Variants in GALNTL5 observed in about 807,000 individuals in gnomAD.
GALNTL5 encodes inactive polypeptide N-acetylgalactosaminyltransferase-like protein 5.
Under a neutral mutation model 51.0 loss-of-function variants are expected in GALNTL5, and 44 were observed. The ratio of observed to expected loss-of-function variants is 0.86; its 90% CI spans 0.68 to 1.11. The LOEUF (loss-of-function observed/expected upper bound fraction) is 1.11, where lower values mean the gene tolerates loss of function less well. GALNTL5 is among the 50% of genes least tolerant of loss of function. The probability of loss-of-function intolerance (pLI) is 0.00; values close to 1 mark genes in which losing one functional copy is unlikely to be tolerated. For synonymous variants in GALNTL5, 192 were observed against 182.8 expected (o/e 1.05, Z -0.41); for missense variants, 528 against 531.8 (o/e 0.99, Z 0.07).
intron 5 of GALNTL5, among the ~76,000 whole-genome samples, chr7:151,996,167 CCT>C (rs2151953542): frequency 6.6e-6 from 1 of 151,786 alleles, no homozygotes; most frequent in African/African-American, 2.4e-5. Context: ...CTGTAAATAC[CCT>C]GACACAGATT....
At chr7:152,015,733 C>T (rs569366728) in intron 8 of GALNTL5, among the ~76,000 whole-genome samples, 3 of 152,098 alleles carry the variant, frequency 2.0e-5, no homozygotes, top group African/African-American at 4.8e-5. Context: ...GTCTTGAGAC[C>T]GTGTGAGAAC....
At chr7:151,965,922 C>T (rs2081053663) in intron 1 of GALNTL5, among the ~76,000 whole-genome samples, 1 of 152,020 alleles carries the variant, frequency 6.6e-6, no homozygotes, top group Non-Finnish European at 1.5e-5. Flanking sequence ...TCTTTATTCT[C>T]CTCCCCCCAA....
chr7:151,977,192 CTG>C (rs1474318810), intron 3 of GALNTL5, among the ~76,000 whole-genome samples: 5 of 151,982 alleles, frequency 3.3e-5, no homozygotes, highest in African/African-American at 1.2e-4. Flanking sequence ...AAAAATAGGA[CTG>C]AGAGATTTAA....
chr7:152,019,690 C>A lies in GALNTL5; in HGVS notation c.1221C>A (p.Tyr407Ter). Residue 407 changes from tyrosine (Y) to a stop codon, truncating the protein, a stop_gained, in exon 9 of 9, where the codon TAC (tyrosine) becomes TAA (stop). Transcript: ENST00000392800. LOFTEE classifies it high-confidence loss of function. ...LRKPGLKYVT[Y>*]GNIRERVELR... is the part of the protein sequence containing the mutation. Reference sequence around the variant, plus strand: ...AGCCTGGTCTGAAATATGTCACCTACGGAAATATTCGCGAGCGTGTTGAGT... The same window carrying A: ...AGCCTGGTCTGAAATATGTCACCTAAGGAAATATTCGCGAGCGTGTTGAGT... 1 of 1,613,436 alleles carries A rather than the reference C, an allele frequency of 6.2e-7. No individual in the cohort carries two copies. The highest frequency in any genetic ancestry group is 8.5e-7 in the Non-Finnish European group (1 of 1,179,554).
chr7:152,007,500 C>G lies in GALNTL5; in HGVS notation c.909-327C>G, dbSNP rs772031894. Among the ~76,000 whole-genome samples, 66 of 147,746 alleles carry G rather than the reference C, an allele frequency of 4.5e-4. 2 individuals carry two copies. In the Middle Eastern group the frequency reaches 0.011, roughly 25 times the overall value. On this transcript the variant is annotated intron_variant, in intron 6 of 8. Transcript: ENST00000392800. The stretch of plus-strand genomic sequence containing the variant: ...GTGGCACGATCTCAGCTCACTGCAA[C>G]CTCTGCCTCCCAGGTACAAGCGATT...
chr7:152,008,011 G>A, intron 7 of GALNTL5, 67 bp downstream of exon 7: 1 of 874,606 alleles, frequency 1.1e-6, no homozygotes, highest in South Asian at 1.4e-5. Flanking sequence ...ATACAATGCT[G>A]TGGTAATTAT....
In GALNTL5 at chr7:152,014,747, C is replaced by A. The variant is rs756144776; in HGVS notation, c.1130C>A (p.Thr377Lys). Reference protein sequence around the residue: ...GKPSTIISAMTHNYLRLVHVW... With the variant: ...GKPSTIISAMKHNYLRLVHVW... Reference sequence around the variant, plus strand: ...CCTTCTACAATCATCAGTGCTATGACACATAACTACCTAAGACTGGTGCAC... The same window carrying A: ...CCTTCTACAATCATCAGTGCTATGAAACATAACTACCTAAGACTGGTGCAC... Residue 377 changes from threonine to lysine, a missense_variant, in exon 8 of 9, where the codon ACA becomes AAA. By Grantham distance (78) the Thr-to-Lys change is moderately conservative. Coordinates refer to ENST00000392800, the MANE Select transcript of GALNTL5 (RefSeq NM_145292.4). 3 of 1,613,682 alleles carry A rather than the reference C, an allele frequency of 1.9e-6. No individual in the cohort carries two copies. The Admixed American group carries it at 5.0e-5, about 27-fold the overall frequency.
chr7:151,974,342 T>A (rs899292580), intron 3 of GALNTL5, among the ~76,000 whole-genome samples: 8 of 152,246 alleles, frequency 5.3e-5, no homozygotes, highest in Non-Finnish European at 7.3e-5. Flanking sequence ...TCAAGGTTCA[T>A]CTATGTTGTA....
At position 152,014,737 on chromosome 7, in the gene GALNTL5, A is replaced by G. The variant is rs761336189; in HGVS notation, c.1120A>G (p.Ser374Gly). 3 of 1,614,060 alleles carry G rather than the reference A, an allele frequency of 1.9e-6. No individual in the cohort carries two copies. The highest frequency in any genetic ancestry group is 2.2e-5 in the South Asian group (2 of 91,068). ...KQTGKPSTII[S>G]AMTHNYLRLV... ...AACTGGAAAACCTTCTACAATCATC[A>G]GTGCTATGACACATAACTACCTAAG... The change falls in exon 8 of 9, where the codon AGT (serine) becomes GGT (glycine). Residue 374 changes from serine to glycine, a missense_variant. Physicochemically the swap from Ser to Gly is moderately conservative, Grantham distance 56. Coordinates refer to ENST00000392800, the MANE Select transcript of GALNTL5 (RefSeq NM_145292.4).
intron 5 of GALNTL5, among the ~76,000 whole-genome samples, chr7:151,991,348 C>T (rs769637458): frequency 9.9e-5 from 15 of 152,204 alleles, no homozygotes; most frequent in Non-Finnish European, 1.5e-4. Context: ...CTGCCTCAGC[C>T]TCATAGTGCC....
At chr7:152,014,171 C>T (rs1352199061) in intron 7 of GALNTL5, among the ~76,000 whole-genome samples, 3 of 152,194 alleles carry the variant, frequency 2.0e-5, no homozygotes, top group Non-Finnish European at 2.9e-5. Context: ...GTGTTAGTTT[C>T]CTCATCTGTA....
chr7:152,010,975 T>C (rs2081730069), intron 7 of GALNTL5, among the ~76,000 whole-genome samples: 1 of 152,152 alleles, frequency 6.6e-6, no homozygotes, highest in South Asian at 2.1e-4. Flanking sequence ...TCTAAAATCT[T>C]ACAGATATTA....
chr7:151,998,281 GT>G (rs2081525766), intron 5 of GALNTL5, among the ~76,000 whole-genome samples: 1 of 151,874 alleles, frequency 6.6e-6, no homozygotes, highest in Admixed American at 6.6e-5. Flanking sequence ...ATACTTGCCT[GT>G]TTTATGAATA....
chr7:151,978,974 C>T (rs954364669), intron 3 of GALNTL5, among the ~76,000 whole-genome samples: 1 of 152,032 alleles, frequency 6.6e-6, no homozygotes, highest in African/African-American at 2.4e-5. Flanking sequence ...TTGGAAGACA[C>T]AATTCAGCCT....
chr7:151,970,386 A>T (rs749416849), intron 2 of GALNTL5, among the ~76,000 whole-genome samples: 2 of 152,188 alleles, frequency 1.3e-5, no homozygotes, highest in Non-Finnish European at 2.9e-5. Context: ...TTCCCCACTG[A>T]TACAATCAGA....
chr7:152,007,778 G>T (rs1051229948), intron 6 of GALNTL5, 49 bp from the exon 7 acceptor site: 11 of 1,053,556 alleles, frequency 1.0e-5, no homozygotes, highest in Non-Finnish European at 1.5e-5. Flanking sequence ...GGAAACTACA[G>T]AATGACTTTC....
At chr7:151,997,239 T>G (rs1434234577) in intron 5 of GALNTL5, among the ~76,000 whole-genome samples, 1 of 152,186 alleles carries the variant, frequency 6.6e-6, no homozygotes, top group Non-Finnish European at 1.5e-5. Context: ...CGCCCTTTAC[T>G]CATCACAAGC....
intron 6 of GALNTL5, among the ~76,000 whole-genome samples, chr7:152,006,115 G>A (rs1156250678): frequency 1.3e-5 from 2 of 151,778 alleles, no homozygotes; most frequent in Non-Finnish European, 2.9e-5. Context: ...GAAGGACCAG[G>A]AAATCTGGTT....
At chr7:151,970,421 T>C (rs554247181) in intron 2 of GALNTL5, among the ~76,000 whole-genome samples, 5 of 152,322 alleles carry the variant, frequency 3.3e-5, no homozygotes, top group Admixed American at 2.6e-4. Flanking sequence ...ATGTCTCATG[T>C]TGAAATTTGT....
Sources: allele counts gnomAD v4.1 joint callset (sites outside exome capture counted in the v4.1 genomes callset), GRCh38; gene constraint gnomAD v4.1.1; transcripts MANE v1.5; gene names NCBI Gene and HGNC (gene_info 2026-07-23, HGNC 2026-07-21).